ARID1B: variants seen among roughly 807,000 people sequenced by gnomAD.
ARID1B encodes the protein AT-rich interactive domain-containing protein 1B.
Under a neutral mutation model 212.3 loss-of-function variants are expected in ARID1B, and 30 were observed. That is an observed-to-expected ratio of 0.14 (90% CI 0.11 to 0.19). The LOEUF is 0.19. Among genes scored for constraint, ARID1B ranks in the 10% least tolerant of loss-of-function variants. The pLI is 1.00. For synonymous variants in ARID1B, 1,402 were observed against 1,301.7 expected, an observed-to-expected ratio of 1.08 and a Z score of -1.66; for missense variants, 2,891 against 3,204.0, an observed-to-expected ratio of 0.90 and a Z score of 2.36.
chr6:156,788,820 T>C (rs1190712648), intron 1 of ARID1B, among the ~76,000 whole-genome samples: 1 of 152,160 alleles, frequency 6.6e-6, no homozygotes, highest in African/African-American at 2.4e-5. Flanking sequence ...AATGCTGAGA[T>C]TTATAAAACT....
chr6:156,939,340 A>C (rs1278101485), intron 4 of ARID1B: 1 of 152,198 alleles, frequency 6.6e-6, no homozygotes, highest in South Asian at 2.1e-4. Context: ...TTTATATTCC[A>C]AGATAGCCCT....
intron 6 of ARID1B, among the ~76,000 whole-genome samples, chr6:157,125,692 C>T (rs1450388271): frequency 2.0e-5 from 3 of 152,210 alleles, no homozygotes; most frequent in Admixed American, 1.3e-4. Flanking sequence ...TTATTCTCCA[C>T]GTCACACACT....
intron 1 of ARID1B, among the ~76,000 whole-genome samples, chr6:156,817,624 C>T (rs959496196): frequency 6.8e-6 from 1 of 147,130 alleles, no homozygotes; most frequent in Non-Finnish European, 1.5e-5. Flanking sequence ...AGGACCTTGT[C>T]TGACTCTTAA....
Position 157,210,445 on chromosome 6 carries a change from G to C in ARID1B, c.*2554G>C, listed in dbSNP as rs1046610079. ...TGGTTTGCATTGTAACCGATACGCAGAGTCTGACCGTTGGGCAACAAGTTT... is the reference window on the plus strand; with the variant it reads ...TGGTTTGCATTGTAACCGATACGCACAGTCTGACCGTTGGGCAACAAGTTT... On this transcript the variant is annotated 3_prime_UTR_variant, in exon 20 of 20. Transcript: ENST00000636930. The C allele has an allele frequency of 8.6e-6, 2 of 231,380 alleles. No homozygotes were observed. The highest frequency in any genetic ancestry group is 2.2e-5 in the African/African-American group (1 of 44,948). 14.3% of individuals were successfully genotyped at this position (231,380 alleles called of 1,614,324 possible).
At chr6:157,051,484 T>A (rs1425359705) in intron 4 of ARID1B, among the ~76,000 whole-genome samples, 2 of 152,020 alleles carry the variant, frequency 1.3e-5, no homozygotes, top group East Asian at 3.9e-4. Context: ...AAAAAAAAAA[T>A]GTTAAAGGAA....
intron 1 of ARID1B, among the ~76,000 whole-genome samples, chr6:156,827,906 G>A (rs1232523417): frequency 2.0e-5 from 3 of 151,030 alleles, no homozygotes; most frequent in African/African-American, 7.3e-5. Flanking sequence ...GATTATAGGC[G>A]TGCACTACCA....
intron 4 of ARID1B, among the ~76,000 whole-genome samples, chr6:157,063,533 G>T (rs899455381): frequency 1.3e-5 from 2 of 152,096 alleles, no homozygotes; most frequent in East Asian, 3.8e-4. Context: ...CTTGCCTATA[G>T]AATGTGAGTT....
chr6:156,951,111 T>C (rs1193500530), intron 4 of ARID1B, among the ~76,000 whole-genome samples: 1 of 152,208 alleles, frequency 6.6e-6, no homozygotes, highest in Non-Finnish European at 1.5e-5. Context: ...AATGGTTATT[T>C]TTAAATATAC....
At chr6:157,152,947 A>C (rs1790310832) in intron 8 of ARID1B, among the ~76,000 whole-genome samples, 1 of 152,220 alleles carries the variant, frequency 6.6e-6, no homozygotes, top group East Asian at 1.9e-4. Context: ...AAGAATCTGA[A>C]AAGGACAAAT....
At chr6:156,876,527 T>G (rs1481552561) in intron 2 of ARID1B, among the ~76,000 whole-genome samples, 1 of 152,192 alleles carries the variant, frequency 6.6e-6, no homozygotes, top group African/African-American at 2.4e-5. Flanking sequence ...TCATGGTGTT[T>G]CTTTTCCCCA....
At chr6:157,182,282 T>C (rs1792603862) in intron 12 of ARID1B, among the ~76,000 whole-genome samples, 1 of 152,188 alleles carries the variant, frequency 6.6e-6, no homozygotes, top group South Asian at 2.1e-4. Context: ...AAAAATAGAA[T>C]AATGCTGTAG....
Position 156,955,726 on chromosome 6 carries a change from T to C in ARID1B, c.2247+20150T>C, listed in dbSNP as rs1270590790. On this transcript the variant is annotated intron_variant, in intron 4 of 19. Transcript: ENST00000636930. The surrounding 1 kb of genome is among the most constrained non-coding windows in gnomAD (Gnocchi z 4.2). ...AAAGGTAGGAGAACCTATGCCCATCTCCAGAAGGGCCCTAGAAACAGAGCC... is the reference window on the plus strand; with the variant it reads ...AAAGGTAGGAGAACCTATGCCCATCCCCAGAAGGGCCCTAGAAACAGAGCC... 6.6e-6 allele frequency among the ~76,000 whole-genome samples: 1 copy of C among 152,064 alleles called. No individual in the cohort carries two copies. Among genetic ancestry groups the C allele is most frequent in the African/African-American group, 2.4e-5 (1 of 41,394 alleles).
In ARID1B at chr6:156,826,812, C is replaced by T. The variant is rs370221423; in HGVS notation, c.1792-2415C>T. On this transcript the variant is annotated intron_variant, in intron 1 of 19. Coordinates refer to ENST00000636930, the MANE Select transcript of ARID1B (RefSeq NM_001374828.1). ...TGGGCTGCATTTGGCACACCTGTTTCGTTGCTACACCTGACTCCCTTCCCT... is the reference window on the plus strand; with the variant it reads ...TGGGCTGCATTTGGCACACCTGTTTTGTTGCTACACCTGACTCCCTTCCCT... Among the ~76,000 whole-genome samples, 8 of 152,250 alleles carry T rather than the reference C, an allele frequency of 5.3e-5. No individual in the cohort carries two copies. The East Asian group carries it at 7.7e-4, about 15-fold the overall frequency.
At position 156,777,857 on chromosome 6, in the gene ARID1B, G is replaced by GGGC. The variant is rs1306375250; in HGVS notation, c.185_187dup (p.Gly62dup). 2.1e-5 allele frequency: 28 copies of GGGC among 1,337,300 alleles called. No homozygotes were observed. The highest frequency in any genetic ancestry group is 8.0e-5 in the Admixed American group (2 of 24,922). 82.8% of individuals were successfully genotyped at this position (1,337,300 alleles called of 1,614,324 possible). ...CGGCGGCACCGGGACCCATGCTGGG[G>GGGC]GGCGGCGGCGACGGCGGCGGCGGCC... On this transcript the variant is annotated inframe_insertion, in exon 1 of 20. Coordinates refer to ENST00000636930, the MANE Select transcript of ARID1B (RefSeq NM_001374828.1).
chr6:156,923,038 C>G (rs1337463048), intron 3 of ARID1B, among the ~76,000 whole-genome samples: 9 of 152,134 alleles, frequency 5.9e-5, no homozygotes, highest in Non-Finnish European at 1.0e-4. Flanking sequence ...AGTGCAGGGC[C>G]ATGTCATTGA....
At position 156,886,564 on chromosome 6, in the gene ARID1B, G is replaced by A. The variant is rs569206918; in HGVS notation, c.1987-14812G>A. 1.2e-4 allele frequency among the ~76,000 whole-genome samples: 18 copies of A among 152,212 alleles called. No homozygotes were observed. In the East Asian group the frequency reaches 3.3e-3, roughly 28 times the overall value. On this transcript the variant is annotated intron_variant, in intron 2 of 19. Coordinates refer to ENST00000636930, the MANE Select transcript of ARID1B (RefSeq NM_001374828.1). ...CTTGTCCCAGTCTGAGTGGCTGTTC[G>A]CTTCCTCCACCTTTCACTTCCGTTT...
intron 3 of ARID1B, among the ~76,000 whole-genome samples, chr6:156,915,309 G>A (rs1046328258): frequency 5.3e-5 from 8 of 152,200 alleles, no homozygotes; most frequent in African/African-American, 1.2e-4. Context: ...GCTCATGCCT[G>A]TAATCCCAGC....
chr6:156,856,696 TCTCTCACACACA>T lies in ARID1B; in HGVS notation c.1986+27277_1986+27288del, dbSNP rs1434250640. On this transcript the variant is annotated intron_variant, in intron 2 of 19. Transcript: ENST00000636930. ...TCCTCTCTCTCTCTCTCTCTCTCTCTCTCTCACACACACACACACACACACACACACACACAC... is the reference window on the plus strand; with the variant it reads ...TCCTCTCTCTCTCTCTCTCTCTCTCTCACACACACACACACACACACACAC... 9.5e-5 allele frequency among the ~76,000 whole-genome samples: 8 copies of T among 84,316 alleles called. No individual in the cohort carries two copies. In the South Asian group the frequency reaches 2.3e-3, roughly 24 times the overall value. 55.3% of individuals were successfully genotyped at this position (84,316 alleles called of 152,430 possible). A position where few individuals can be genotyped will look rare whatever the true frequency, so the allele number is the denominator to read the frequency against.
intron 4 of ARID1B, chr6:157,023,272 A>G (rs1049783041): frequency 2.6e-5 from 4 of 152,244 alleles, no homozygotes; most frequent in African/African-American, 9.6e-5. Flanking sequence ...ATTGGTTACT[A>G]TCTGTAGAGC....
Sources: gnomAD v4.1 joint callset for allele counts (sites outside exome capture counted in the v4.1 genomes callset) on GRCh38, gnomAD v4.1.1 for gene constraint, Gnocchi (gnomAD v3.1) non-coding constraint, MANE v1.5 for transcripts, NCBI Gene and HGNC (gene_info 2026-07-23, HGNC 2026-07-21) for gene names.